The following WDR20 variants were observed in gnomAD, a reference collection of about 807,000 sequenced individuals.
WDR20 encodes the protein WD repeat domain 20, also known as WD repeat-containing protein 20.
WDR20 carries 3 observed loss-of-function variants against 38.7 expected under a neutral mutation model. That is an observed-to-expected ratio of 0.08 (90% confidence interval 0.04 to 0.20). The LOEUF is 0.20. Among genes scored for constraint, WDR20 ranks in the 10% least tolerant of loss-of-function variants. The pLI, the probability that WDR20 is intolerant of heterozygous loss-of-function variation, is 1.00. For synonymous variants in WDR20, 298 were observed against 285.6 expected (o/e 1.04, Z -0.44); for missense variants, 559 against 727.7 (o/e 0.77, Z 2.67).
intron 1 of WDR20, among the ~76,000 whole-genome samples, chr14:102,187,756 G>C (rs1030583304): frequency 5.9e-5 from 9 of 152,226 alleles, no homozygotes; most frequent in Non-Finnish European, 1.3e-4. Flanking sequence ...GCTAAGCTGG[G>C]GAAACCCAGG....
downstream of WDR20, chr14:102,214,088 C>T (rs1467729089): frequency 1.1e-5 from 11 of 985,392 alleles, no homozygotes; most frequent in South Asian, 4.7e-5. Flanking sequence ...ACCATGGCGG[C>T]GGTCGGTGTG....
At chr14:102,203,818 A>AT (rs2060981683) in intron 2 of WDR20, among the ~76,000 whole-genome samples, 1 of 152,166 alleles carries the variant, frequency 6.6e-6, no homozygotes. Flanking sequence ...GCACTGACTA[A>AT]GATTTTTTTT....
chr14:102,209,449 C>T lies in WDR20; in HGVS notation c.1279C>T (p.Pro427Ser). The T allele has an allele frequency of 1.2e-6, 2 of 1,614,194 alleles. No individual in the cohort carries two copies. The highest frequency in any genetic ancestry group is 1.7e-5 in the Admixed American group (1 of 60,026). Reference protein sequence around the residue: ...SVTTPGNSVPPPLPRSNSLPH... With the variant: ...SVTTPGNSVPSPLPRSNSLPH... ...TACAACACCCGGGAACTCTGTGCCG[C>T]CTCCTCTGCCACGGTCCAACAGCCT... The change falls in exon 3 of 3, where the codon CCT becomes TCT. Residue 427 changes from proline to serine, a missense_variant. Physicochemically the swap from Pro to Ser is moderately conservative, Grantham distance 74. Coordinates refer to ENST00000342702, the MANE Select transcript of WDR20 (RefSeq NM_144574.4). This position sits in a 1 kb window ranked among gnomAD's most constrained non-coding sequence, Gnocchi z 6.0.
At chr14:102,188,031 G>T (rs1037445896) in intron 1 of WDR20, among the ~76,000 whole-genome samples, 2 of 152,178 alleles carry the variant, frequency 1.3e-5, no homozygotes, top group African/African-American at 4.8e-5. Context: ...TGATTCTCAG[G>T]TGGGGATGGG....
downstream of WDR20, among the ~76,000 whole-genome samples, chr14:102,217,637 C>T (rs1443156028): frequency 6.6e-6 from 1 of 151,980 alleles, no homozygotes; most frequent in African/African-American, 2.4e-5. Flanking sequence ...CTCTGTGGCT[C>T]ACGTGCCGCT....
intron 1 of WDR20, among the ~76,000 whole-genome samples, chr14:102,192,672 C>T (rs546607381): frequency 6.6e-6 from 1 of 152,228 alleles, no homozygotes; most frequent in South Asian, 2.1e-4. Context: ...GCTTTTACTT[C>T]CTCTGTTGTT....
At chr14:102,191,430 A>T in intron 1 of WDR20, 1 of 152,028 alleles carries the variant, frequency 6.6e-6, no homozygotes, top group Non-Finnish European at 1.5e-5. Context: ...CCAGAAGAGG[A>T]GGAAATAGGA....
chr14:102,181,046 T>C (rs1486207239), intron 1 of WDR20, among the ~76,000 whole-genome samples: 4 of 152,156 alleles, frequency 2.6e-5, no homozygotes, highest in African/African-American at 4.8e-5. Context: ...CTTGAAAGCT[T>C]TGAATTATCA....
chr14:102,141,589 G>A (rs2051199395), intron 1 of WDR20, among the ~76,000 whole-genome samples: 1 of 151,968 alleles, frequency 6.6e-6, no homozygotes. Context: ...GACTTGTTTG[G>A]GTGACCTTGG....
intron 1 of WDR20, among the ~76,000 whole-genome samples, chr14:102,141,054 A>G (rs2152649475): frequency 6.6e-6 from 1 of 152,294 alleles, no homozygotes; most frequent in South Asian, 2.1e-4. Flanking sequence ...GCATCCTTTA[A>G]AAGTATCTCT....
rs551028150 is a variant in WDR20, at chr14:102,184,044, CTTTAGAATGGGAATACGTATTCCT to C, written c.250-10893_250-10870del. ...CGTCAGTGTGAGATACTGGTATTCC[CTTTAGAATGGGAATACGTATTCCT>C]ATACATATTTAACAGAAGGGTTCAA... On this transcript the variant is annotated intron_variant, in intron 1 of 2. Transcript: ENST00000342702. Among the ~76,000 whole-genome samples the C allele has an allele frequency of 7.0e-4, 106 of 152,236 alleles. 2 individuals are homozygous for C. In the East Asian group the frequency reaches 0.02, roughly 29 times the overall value.
chr14:102,219,702 A>G (rs1026251716), downstream of WDR20, among the ~76,000 whole-genome samples: 2 of 152,216 alleles, frequency 1.3e-5, no homozygotes, highest in African/African-American at 2.4e-5. Flanking sequence ...GTGCTGCAGC[A>G]TGGGGACCCT....
intron 1 of WDR20, among the ~76,000 whole-genome samples, chr14:102,152,003 C>G (rs2056063467): frequency 6.6e-6 from 1 of 152,070 alleles, no homozygotes; most frequent in South Asian, 2.1e-4. Flanking sequence ...CTCACTGCAA[C>G]CTCCGCTTCC....
chr14:102,167,754 C>G (rs930390672), intron 1 of WDR20: 1 of 152,196 alleles, frequency 6.6e-6, no homozygotes, highest in Non-Finnish European at 1.5e-5. Flanking sequence ...TGTAATGTCT[C>G]TTTACTCCCT....
At chr14:102,184,267 C>T (rs959173119) in intron 1 of WDR20, among the ~76,000 whole-genome samples, 1 of 152,056 alleles carries the variant, frequency 6.6e-6, no homozygotes, top group Non-Finnish European at 1.5e-5. Context: ...ACTTGCCTTG[C>T]GATAGGAGAT....
chr14:102,147,697 G>A (rs149782526), intron 1 of WDR20, among the ~76,000 whole-genome samples: 265 of 150,202 alleles, frequency 1.8e-3, no homozygotes, highest in African/African-American at 6.3e-3. Flanking sequence ...TGGTTTGGCT[G>A]TATGGCTAAA....
chr14:102,220,658 T>C lies in WDR20; in HGVS notation c.1693-2172T>C, dbSNP rs2063776553. Among the ~76,000 whole-genome samples, 5 of 148,656 alleles carry C rather than the reference T, an allele frequency of 3.4e-5. No homozygotes were observed. In the South Asian group the frequency reaches 1.1e-3, roughly 31 times the overall value. On this transcript the variant is annotated intron_variant, in intron 3 of 3. Coordinates refer to the WDR20 transcript ENST00000335263. The surrounding 1 kb of genome is among the most constrained non-coding windows in gnomAD (Gnocchi z 4.2). ...TCACTTGAACCCAGGAGGTGGAGCT[T>C]GCAGTGAGCCAAGATCGTGCCACTG... is the stretch of plus-strand genomic sequence containing the variant.
chr14:102,219,644 C>A (rs1254857263), downstream of WDR20, among the ~76,000 whole-genome samples: 1 of 152,248 alleles, frequency 6.6e-6, no homozygotes, highest in East Asian at 1.9e-4. Context: ...TGGTCAAGCA[C>A]CCTGGGGTCC....
intron 1 of WDR20, among the ~76,000 whole-genome samples, chr14:102,158,581 C>A (rs1001657447): frequency 1.9e-4 from 29 of 152,142 alleles, no homozygotes; most frequent in African/African-American, 6.3e-4. Context: ...CAGGCATTAG[C>A]CACTGTGCCC....
Sources: gnomAD v4.1 joint callset for allele counts (sites outside exome capture counted in the v4.1 genomes callset) on GRCh38, gnomAD v4.1.1 for gene constraint, Gnocchi (gnomAD v3.1) non-coding constraint, MANE v1.5 for transcripts, NCBI Gene and HGNC (gene_info 2026-07-23, HGNC 2026-07-21) for gene names.